RBM26: variants seen among roughly 807,000 people sequenced by gnomAD.
The protein encoded by RBM26 is RNA binding motif protein 26, also known as RNA-binding protein 26.
A neutral mutation model predicts 123.6 loss-of-function variants in RBM26; 30 were observed. That is an observed-to-expected ratio of 0.24 (90% CI 0.18 to 0.33). The LOEUF (loss-of-function observed/expected upper bound fraction) is 0.33. RBM26 is among the 10% of genes least tolerant of loss of function. The pLI is 1.00. For synonymous variants in RBM26, 400 were observed against 404.4 expected, an observed-to-expected ratio of 0.99 and a Z score of 0.13; for missense variants, 947 against 1,203.6, an observed-to-expected ratio of 0.79 and a Z score of 3.15.
intron 18 of RBM26, among the ~76,000 whole-genome samples, 165 bp downstream of exon 18, chr13:79,340,958 T>C (rs116649428): frequency 0.01 from 1,532 of 151,900 alleles, 28 homozygotes; most frequent in African/African-American, 0.035. Flanking sequence ...CTCTGAAAAA[T>C]TTGTTGACCT....
rs1260208623 is a variant in RBM26 at position 79,365,728 on chromosome 13, C to G, written c.1277-10G>C. Reference sequence around the variant, plus strand: ...TCTGTGTCATATGTATCTGGTAATACAAAAACTGTAATTAAAAAACAATTA... The same window carrying G: ...TCTGTGTCATATGTATCTGGTAATAGAAAAACTGTAATTAAAAAACAATTA... On this transcript the variant is annotated splice_polypyrimidine_tract_variant and intron_variant, in intron 8 of 21. Coordinates refer to ENST00000438737, the MANE Select transcript of RBM26 (RefSeq NM_001366735.2). 2 of 1,599,730 alleles carry G rather than the reference C, an allele frequency of 1.3e-6. No homozygotes were observed. The highest frequency in any genetic ancestry group is 2.7e-5 in the African/African-American group (2 of 74,070).
chr13:79,353,300 T>A, intron 13 of RBM26, 76 bp from the exon 14 acceptor site: 1 of 836,364 alleles, frequency 1.2e-6, no homozygotes. Context: ...AACATTCTGA[T>A]TCTACTAATA....
At chr13:79,372,716 T>A (rs1172253338) in intron 3 of RBM26, among the ~76,000 whole-genome samples, 1 of 127,114 alleles carries the variant, frequency 7.9e-6, no homozygotes, top group Non-Finnish European at 1.5e-5. Context: ...TAAATATATA[T>A]TTACATATTA....
chr13:79,401,489 T>A (rs2079047836), intron 1 of RBM26, among the ~76,000 whole-genome samples: 1 of 152,196 alleles, frequency 6.6e-6, no homozygotes, highest in Admixed American at 6.5e-5. Flanking sequence ...TGCCTCAGTA[T>A]CATCACCTGC....
At chr13:79,390,513 G>A (rs1238330338) in intron 1 of RBM26, among the ~76,000 whole-genome samples, 3 of 152,104 alleles carry the variant, frequency 2.0e-5, no homozygotes, top group African/African-American at 7.2e-5. Context: ...AGGTGACTGG[G>A]TTACAAAAAT....
intron 1 of RBM26, among the ~76,000 whole-genome samples, chr13:79,382,065 TAATAATATACTGA>T (rs1162506166): frequency 6.6e-6 from 1 of 152,106 alleles, no homozygotes; most frequent in East Asian, 1.9e-4. Flanking sequence ...CACAGAAATT[TAATAATATACTGA>T]AATGTTATGT....
At chr13:79,388,929 A>G (rs762334472) in intron 1 of RBM26, among the ~76,000 whole-genome samples, 16 of 152,200 alleles carry the variant, frequency 1.1e-4, no homozygotes, top group Non-Finnish European at 2.1e-4. Context: ...TATTGCATTT[A>G]TAACTATTAC....
chr13:79,355,138 G>T, intron 12 of RBM26, 82 bp downstream of exon 12: 1 of 1,309,688 alleles, frequency 7.6e-7, no homozygotes, highest in Non-Finnish European at 1.1e-6. Context: ...AGGCCTACTT[G>T]ATTCCAATGC....
intron 1 of RBM26, among the ~76,000 whole-genome samples, chr13:79,385,380 T>A (rs1396508896): frequency 6.6e-6 from 1 of 152,210 alleles, no homozygotes; most frequent in Non-Finnish European, 1.5e-5. Flanking sequence ...AATATAAGCA[T>A]ATCTAAATAT....
chr13:79,390,615 T>G (rs1038847828), intron 1 of RBM26, among the ~76,000 whole-genome samples: 1 of 152,086 alleles, frequency 6.6e-6, no homozygotes, highest in East Asian at 1.9e-4. Flanking sequence ...ACTAAAGTAC[T>G]GAAGTAAAGC....
At position 79,319,125 on chromosome 13, in the gene RBM26, A is replaced by C. The variant is rs866695695; in HGVS notation, c.*1496T>G. 2 of 984,358 alleles carry C rather than the reference A, an allele frequency of 2.0e-6. No homozygotes were observed. The highest frequency in any genetic ancestry group is 3.5e-5 in the African/African-American group (2 of 57,148). 61.0% of individuals were successfully genotyped at this position (984,358 alleles called of 1,614,324 possible). A position where few individuals can be genotyped will look rare whatever the true frequency, so the allele number is the denominator to read the frequency against. ...CCATCAAGAAAATACACACAACTTC[A>C]ACCCCAATTAGGGGTGTATGGGGAA... On this transcript the variant is annotated 3_prime_UTR_variant, in exon 22 of 22. Transcript: ENST00000438737.
intron 1 of RBM26, among the ~76,000 whole-genome samples, chr13:79,379,949 T>C (rs996958387): frequency 3.3e-5 from 5 of 152,204 alleles, no homozygotes; most frequent in African/African-American, 1.2e-4. Context: ...ATTTTTCAGT[T>C]ATCAGGTTGG....
chr13:79,362,160 G>A (rs1385800396), intron 9 of RBM26, among the ~76,000 whole-genome samples: 2 of 152,112 alleles, frequency 1.3e-5, no homozygotes, highest in African/African-American at 2.4e-5. Context: ...GGGACAAGAA[G>A]TTAAACACTT....
intron 14 of RBM26, among the ~76,000 whole-genome samples, chr13:79,352,077 C>G (rs2073319895): frequency 6.6e-6 from 1 of 152,054 alleles, no homozygotes. Context: ...GCACATTATG[C>G]CCGAAGTAAT....
chr13:79,368,801 T>C lies in RBM26; in HGVS notation c.824A>G (p.His275Arg), dbSNP rs770739710. The C allele has an allele frequency of 3.8e-5, 62 of 1,613,890 alleles. No homozygotes were observed. The highest frequency in any genetic ancestry group is 5.5e-5 in the South Asian group (5 of 91,082). Residue 275 changes from histidine to arginine, a missense_variant, in exon 6 of 22, where the codon CAT (histidine) becomes CGT (arginine). His to Arg is a conservative substitution (Grantham distance 29, BLOSUM62 0). Coordinates refer to ENST00000438737, the MANE Select transcript of RBM26 (RefSeq NM_001366735.2). The part of the protein sequence containing the change: ...NNTTESWSEF[H>R]EDQVDHNSYV... ...AGAGTTATGGTCCACTTGGTCTTCA[T>C]GAAATTCAGACCAACTTTCGGTAGT...
intron 1 of RBM26, among the ~76,000 whole-genome samples, chr13:79,397,781 T>A (rs2182009): frequency 1.3e-5 from 2 of 151,234 alleles, no homozygotes; most frequent in African/African-American, 2.4e-5. Context: ...CCACAGAATC[T>A]ATAAAATAGC....
Position 79,320,599 on chromosome 13 carries a change from T to G in RBM26, c.*22A>C, listed in dbSNP as rs1171755385. 6.4e-7 allele frequency: 1 copy of G among 1,569,524 alleles called. No individual in the cohort carries two copies. The highest frequency in any genetic ancestry group is 2.0e-5 in the Admixed American group (1 of 50,142). ...GAAACACAGGTAGAGTTCTAGCATA[T>G]GCAGATCAATGATCAGTCAAATCAT... On this transcript the variant is annotated 3_prime_UTR_variant, in exon 22 of 22. Transcript: ENST00000438737.
rs1203059927 is a variant in RBM26, at chr13:79,373,445, T to C, written c.328-1515A>G. 2.5e-3 allele frequency among the ~76,000 whole-genome samples: 45 copies of C among 17,862 alleles called. 2 individuals carry two copies. The highest frequency in any genetic ancestry group is 0.021 in the East Asian group (22 of 1,050). 11.7% of individuals were successfully genotyped at this position (17,862 alleles called of 152,430 possible). A position where few individuals can be genotyped will look rare whatever the true frequency, so the allele number is the denominator to read the frequency against. On this transcript the variant is annotated intron_variant, in intron 3 of 21. Coordinates refer to ENST00000438737, the MANE Select transcript of RBM26 (RefSeq NM_001366735.2). ...ATAAAATATAAATATATATTATATA[T>C]TATATATAAATATATATAATATGTA...
At chr13:79,351,982 C>T (rs2073309532) in intron 14 of RBM26, among the ~76,000 whole-genome samples, 1 of 152,104 alleles carries the variant, frequency 6.6e-6, no homozygotes, top group Admixed American at 6.5e-5. Context: ...TTTTGGATCA[C>T]ACAGCTTAGA....
Sources: gnomAD v4.1 joint callset for allele counts (sites outside exome capture counted in the v4.1 genomes callset) on GRCh38, gnomAD v4.1.1 for gene constraint, MANE v1.5 for transcripts, NCBI Gene and HGNC (gene_info 2026-07-23, HGNC 2026-07-21) for gene names.